HTR4: variants seen among roughly 807,000 people sequenced by gnomAD.
HTR4 encodes 5-hydroxytryptamine (serotonin) receptor 4, G protein-coupled.
In HTR4, 16 loss-of-function variants were observed where a neutral mutation model predicts 36.8. The observed-to-expected ratio is 0.43, with a 90% CI of 0.29 to 0.66. The LOEUF is 0.66. Ranked by LOEUF, HTR4 falls within the 30% of genes least tolerant of loss-of-function variation. HTR4 has a pLI of 0.13. For missense variants in HTR4, 438 were observed against 490.9 expected, an observed-to-expected ratio of 0.89 and a Z score of 1.02; for synonymous variants, 189 against 185.1, an observed-to-expected ratio of 1.02 and a Z score of -0.17.
At chr5:148,471,592 A>C (rs953236654) in intron 5 of HTR4, among the ~76,000 whole-genome samples, 2 of 152,222 alleles carry the variant, frequency 1.3e-5, no homozygotes, top group East Asian at 3.8e-4. Context: ...CAAAAATGGC[A>C]CTAGAAGACT....
At chr5:148,530,724 C>A (rs116447209) in intron 4 of HTR4, among the ~76,000 whole-genome samples, 2,305 of 152,268 alleles carry the variant, frequency 0.015, 23 homozygotes, top group Middle Eastern at 0.048. Context: ...AGAGATCCAC[C>A]AACAGCTTGC....
At chr5:148,528,134 GA>G in intron 4 of HTR4, among the ~76,000 whole-genome samples, 1 of 152,170 alleles carries the variant, frequency 6.6e-6, no homozygotes, top group East Asian at 1.9e-4. Context: ...AGTAAAGGGG[GA>G]AAAAGGATTT....
intron 1 of HTR4, among the ~76,000 whole-genome samples, chr5:148,650,932 C>A (rs770605992): frequency 2.0e-5 from 3 of 152,172 alleles, no homozygotes; most frequent in Non-Finnish European, 4.4e-5. Context: ...ACACCAAGAT[C>A]CCATTCATGC....
intron 5 of HTR4, among the ~76,000 whole-genome samples, chr5:148,471,372 C>A (rs1755563795): frequency 6.6e-6 from 1 of 152,158 alleles, no homozygotes; most frequent in Admixed American, 6.5e-5. Context: ...TGAATTCAAT[C>A]ATTCCCCAAT....
intron 6 of HTR4, among the ~76,000 whole-genome samples, chr5:148,489,767 G>C (rs1266355830): frequency 2.6e-5 from 4 of 152,094 alleles, no homozygotes; most frequent in South Asian, 2.1e-4. Flanking sequence ...AGGGAAATGA[G>C]CTGGAACACC....
downstream of HTR4, among the ~76,000 whole-genome samples, chr5:148,478,081 C>T (rs548240042): frequency 2.0e-5 from 3 of 152,286 alleles, no homozygotes; most frequent in South Asian, 4.1e-4. Flanking sequence ...AGAGTAGAGA[C>T]CTTGTCCGGT....
intron 4 of HTR4, among the ~76,000 whole-genome samples, chr5:148,531,000 T>C (rs1758536581): frequency 6.6e-6 from 1 of 152,228 alleles, no homozygotes; most frequent in Non-Finnish European, 1.5e-5. Flanking sequence ...GGAATGGCCA[T>C]ATTTACCCAA....
chr5:148,482,771 A>C lies in HTR4; in HGVS notation c.*432T>G, dbSNP rs1369206072. The C allele has an allele frequency of 1.9e-6, 2 of 1,035,920 alleles. No homozygotes were observed. The highest frequency in any genetic ancestry group is 7.4e-5 in the South Asian group (2 of 26,944). The allele number at this position is 1,035,920 out of a possible 1,614,324, so 64.2% of individuals were successfully genotyped here. The stretch of plus-strand genomic sequence containing the variant: ...CAGGAGCGACGCCTCTGGCTAAGAC[A>C]GGAACAGAGAGGGAGTATTTTGTTG... On this transcript the variant is annotated 3_prime_UTR_variant, in exon 7 of 7. Coordinates refer to ENST00000377888, the MANE Select transcript of HTR4 (RefSeq NM_000870.7).
intron 5 of HTR4, among the ~76,000 whole-genome samples, chr5:148,468,740 T>C (rs1755495739): frequency 6.6e-6 from 1 of 152,088 alleles, no homozygotes; most frequent in South Asian, 2.1e-4. Flanking sequence ...GCTGGCTGTG[T>C]CCCCTCCCAA....
Position 148,483,797 on chromosome 5 carries a change from T to C in HTR4, c.1077-504A>G, listed in dbSNP as rs113993046. Among the ~76,000 whole-genome samples, 1,130 of 152,300 alleles carry C rather than the reference T, an allele frequency of 7.4e-3. 15 individuals are homozygous for C. Among genetic ancestry groups the C allele is most frequent in the African/African-American group, 0.026 (1,080 of 41,552 alleles). ...TCAATTGGGTTTATTTCTATTAATGTAGTCAAATTCAGTTCATTTCTAAAA... is the reference window on the plus strand; with the variant it reads ...TCAATTGGGTTTATTTCTATTAATGCAGTCAAATTCAGTTCATTTCTAAAA... On this transcript the variant is annotated intron_variant, in intron 6 of 6. Transcript: ENST00000377888.
chr5:148,471,024 A>C (rs1755554421), intron 5 of HTR4, among the ~76,000 whole-genome samples: 1 of 152,070 alleles, frequency 6.6e-6, no homozygotes, highest in African/African-American at 2.4e-5. Flanking sequence ...AGATAAGAAA[A>C]CTAAAGATCA....
chr5:148,550,292 G>T, intron 2 of HTR4, 30 bp from the exon 3 acceptor site: 1 of 1,610,786 alleles, frequency 6.2e-7, no homozygotes, highest in Non-Finnish European at 8.5e-7. Context: ...ACAAAGAATT[G>T]AATGAAACTC....
rs78805990 is a variant in HTR4 at position 148,562,593 on chromosome 5, A to G, written c.27-12331T>C. ...GCTTCCTTTCATCTTCTCCTAGACT[A>G]TCACAACCACTTTTATCCCACTAAC... On this transcript the variant is annotated intron_variant, in intron 2 of 6. Transcript: ENST00000377888. 6.1e-3 allele frequency among the ~76,000 whole-genome samples: 930 copies of G among 152,234 alleles called. 8 individuals are homozygous for G. Among genetic ancestry groups the G allele is most frequent in the African/African-American group, 0.02 (847 of 41,524 alleles).
chr5:148,515,462 G>A (rs778336903), intron 5 of HTR4, among the ~76,000 whole-genome samples: 1 of 152,082 alleles, frequency 6.6e-6, no homozygotes, highest in African/African-American at 2.4e-5. Flanking sequence ...TTCAATCTGG[G>A]ATTATTTTCT....
In HTR4 at chr5:148,484,428, TCTTA is replaced by T. The variant is rs759353318; in HGVS notation, c.1077-1139_1077-1136del. 98 of 1,554,034 alleles carry T rather than the reference TCTTA, an allele frequency of 6.3e-5. 1 individual carries two copies. The highest frequency in any genetic ancestry group is 1.2e-4 in the Admixed American group (7 of 59,432). ...GCATGAATTATTATACAACAGTGAA[TCTTA>T]CTTACACAAGCTATGAGTCTATGGT... On this transcript the variant is annotated intron_variant, in intron 6 of 6. Coordinates refer to ENST00000377888, the MANE Select transcript of HTR4 (RefSeq NM_000870.7).
chr5:148,553,131 T>C (rs1275926361), intron 2 of HTR4, among the ~76,000 whole-genome samples: 1 of 151,978 alleles, frequency 6.6e-6, no homozygotes, highest in Non-Finnish European at 1.5e-5. Context: ...GAAACAGCAA[T>C]AAGCAAAACA....
At chr5:148,478,186 A>G (rs1193031971), downstream of HTR4, among the ~76,000 whole-genome samples, 1 of 152,214 alleles carries the variant, frequency 6.6e-6, no homozygotes, top group African/African-American at 2.4e-5. Flanking sequence ...TGTTGAGAGA[A>G]TTAAACTATA....
intron 5 of HTR4, among the ~76,000 whole-genome samples, chr5:148,457,935 T>TA (rs1755149632): frequency 1.5e-5 from 2 of 133,152 alleles, no homozygotes; most frequent in Admixed American, 7.7e-5. Flanking sequence ...AAATATATTA[T>TA]ATTTTAAGAT....
At chr5:148,580,927 T>G in intron 2 of HTR4, among the ~76,000 whole-genome samples, 1 of 152,052 alleles carries the variant, frequency 6.6e-6, no homozygotes, top group Admixed American at 6.6e-5. Context: ...ATTTTTGATT[T>G]TTTGAGGACC....
Sources: gnomAD v4.1 joint callset for allele counts (sites outside exome capture counted in the v4.1 genomes callset) on GRCh38, gnomAD v4.1.1 for gene constraint, MANE v1.5 for transcripts, NCBI Gene and HGNC (gene_info 2026-07-23, HGNC 2026-07-21) for gene names.